CSMD1: variants seen among roughly 807,000 people sequenced by gnomAD.
CSMD1 encodes CUB and Sushi multiple domains 1, also known as CUB and sushi domain-containing protein 1.
CSMD1 carries 213 observed loss-of-function variants against 417.5 expected under a neutral mutation model. The ratio of observed to expected loss-of-function variants is 0.51; its 90% confidence interval spans 0.46 to 0.57. The LOEUF is 0.57. CSMD1 is among the 20% of genes least tolerant of loss of function. The pLI is 0.00. For synonymous variants in CSMD1, 2,862 were observed against 1,736.8 expected, an observed-to-expected ratio of 1.65 and a Z score of -16.11; for missense variants, 6,923 against 4,529.7, an observed-to-expected ratio of 1.53 and a Z score of -15.17.
intron 1 of CSMD1, among the ~76,000 whole-genome samples, chr8:4,804,832 T>C (rs1395933621): frequency 2.0e-5 from 3 of 152,226 alleles, no homozygotes; most frequent in African/African-American, 7.2e-5. Flanking sequence ...ACTGATACTA[T>C]TTAACAAATA....
At chr8:4,449,773 C>G (rs1017937222) in intron 2 of CSMD1, among the ~76,000 whole-genome samples, 24 of 152,018 alleles carry the variant, frequency 1.6e-4, no homozygotes, top group African/African-American at 5.6e-4. Flanking sequence ...CAGTTGGGAG[C>G]AGCTATGTTT....
chr8:4,299,154 T>G (rs1797845963), intron 3 of CSMD1, among the ~76,000 whole-genome samples: 1 of 152,176 alleles, frequency 6.6e-6, no homozygotes, highest in Non-Finnish European at 1.5e-5. Flanking sequence ...GATCGTGCTT[T>G]TCTTCAAAAA....
At chr8:4,941,329 C>T (rs1046667786) in intron 1 of CSMD1, among the ~76,000 whole-genome samples, 2 of 151,574 alleles carry the variant, frequency 1.3e-5, no homozygotes, top group Non-Finnish European at 2.9e-5. Context: ...GCACACGCTT[C>T]ATAATAAATG....
At chr8:3,964,748 G>T (rs1334143461) in intron 5 of CSMD1, among the ~76,000 whole-genome samples, 1 of 152,150 alleles carries the variant, frequency 6.6e-6, no homozygotes, top group Non-Finnish European at 1.5e-5. Flanking sequence ...CACATACATT[G>T]TCCTGTATCC....
At chr8:3,518,756 T>C (rs1218125046) in intron 10 of CSMD1, among the ~76,000 whole-genome samples, 1 of 152,128 alleles carries the variant, frequency 6.6e-6, no homozygotes, top group East Asian at 1.9e-4. Flanking sequence ...GAACAGTTCA[T>C]TACATGCTCT....
In CSMD1 at chr8:3,217,652, T is replaced by C. The variant is rs112902936; in HGVS notation, c.4672+1603A>G. Among the ~76,000 whole-genome samples, 747 of 152,316 alleles carry C rather than the reference T, an allele frequency of 4.9e-3. 7 individuals are homozygous for C. The highest frequency in any genetic ancestry group is 0.017 in the African/African-American group (716 of 41,566). ...AAGGCTCAAAAGTACTGTTTTCAAC[T>C]ATTCCTAAACGTGACGGATCCCATC... On this transcript the variant is annotated intron_variant, in intron 29 of 69. Coordinates refer to ENST00000635120, the MANE Select transcript of CSMD1 (RefSeq NM_033225.6).
At chr8:4,753,605 C>G (rs117076960) in intron 1 of CSMD1, among the ~76,000 whole-genome samples, 1 of 152,212 alleles carries the variant, frequency 6.6e-6, no homozygotes. Context: ...CTGACATCCT[C>G]ACAGTATCAG....
chr8:4,725,589 G>A (rs1809377968), intron 1 of CSMD1, among the ~76,000 whole-genome samples: 4 of 152,034 alleles, frequency 2.6e-5, no homozygotes, highest in Admixed American at 2.6e-4. Flanking sequence ...AAGCAACATG[G>A]GGCGCGTCTC....
At chr8:3,544,495 C>T (rs1424008311) in intron 10 of CSMD1, among the ~76,000 whole-genome samples, 2 of 152,000 alleles carry the variant, frequency 1.3e-5, no homozygotes, top group South Asian at 2.1e-4. Context: ...TCCCAGTTGA[C>T]GTTCTGAATA....
intron 2 of CSMD1, among the ~76,000 whole-genome samples, chr8:4,624,639 T>A (rs546974014): frequency 6.6e-6 from 1 of 152,286 alleles, no homozygotes; most frequent in South Asian, 2.1e-4. Context: ...CTGGCAACGG[T>A]GGGTCGGTGC....
At chr8:4,004,448 T>C (rs749133771) in intron 4 of CSMD1, among the ~76,000 whole-genome samples, 42 of 151,910 alleles carry the variant, frequency 2.8e-4, no homozygotes, top group South Asian at 6.2e-4. Context: ...GGAAAGGCTA[T>C]TTTATAGTAA....
chr8:4,052,868 A>G (rs2130701771), intron 3 of CSMD1, among the ~76,000 whole-genome samples: 1 of 152,236 alleles, frequency 6.6e-6, no homozygotes, highest in South Asian at 2.1e-4. Context: ...TACCACAATG[A>G]TTCCAATGCA....
At chr8:3,877,160 C>T (rs949587878) in intron 5 of CSMD1, among the ~76,000 whole-genome samples, 4 of 152,206 alleles carry the variant, frequency 2.6e-5, no homozygotes, top group African/African-American at 9.7e-5. Context: ...CTTCCTCTAC[C>T]TTTCCTACAG....
intron 3 of CSMD1, among the ~76,000 whole-genome samples, chr8:4,217,404 A>G (rs1487351984): frequency 6.6e-6 from 1 of 152,190 alleles, no homozygotes; most frequent in Non-Finnish European, 1.5e-5. Context: ...TAACTCTAAT[A>G]TAGTTTGACA....
At chr8:3,507,378 C>T (rs1363183417) in intron 10 of CSMD1, among the ~76,000 whole-genome samples, 1 of 152,162 alleles carries the variant, frequency 6.6e-6, no homozygotes, top group Non-Finnish European at 1.5e-5. Flanking sequence ...TGTATTTGTG[C>T]CACATTTTCC....
At chr8:4,158,099 T>A (rs1011968540) in intron 3 of CSMD1, among the ~76,000 whole-genome samples, 1 of 151,880 alleles carries the variant, frequency 6.6e-6, no homozygotes, top group African/African-American at 2.4e-5. Flanking sequence ...CTTTTTTTTT[T>A]TTTTCTGTTT....
intron 23 of CSMD1, among the ~76,000 whole-genome samples, chr8:3,309,112 TGCCCTCTAG>T (rs1326553937): frequency 3.3e-5 from 5 of 151,728 alleles, no homozygotes; most frequent in African/African-American, 4.9e-5. Flanking sequence ...TGAGCCCCAA[TGCCCTCTAG>T]GACCTCTAGG....
intron 26 of CSMD1, among the ~76,000 whole-genome samples, chr8:3,277,127 G>C (rs17319882): frequency 1.2e-3 from 185 of 152,008 alleles, no homozygotes; most frequent in Non-Finnish European, 2.0e-3. Context: ...TAGCATCTGA[G>C]TAGAGGTTTC....
chr8:4,264,446 T>G (rs902819326), intron 3 of CSMD1, among the ~76,000 whole-genome samples: 2 of 152,202 alleles, frequency 1.3e-5, no homozygotes, highest in African/African-American at 4.8e-5. Context: ...AACAAATTAC[T>G]GGTACACAAA....
Sources: gnomAD v4.1 joint callset for allele counts (sites outside exome capture counted in the v4.1 genomes callset) on GRCh38, gnomAD v4.1.1 for gene constraint, MANE v1.5 for transcripts, NCBI Gene and HGNC (gene_info 2026-07-23, HGNC 2026-07-21) for gene names.